Variants in TLN2 observed in about 807,000 individuals in gnomAD.
The protein encoded by TLN2 is talin-2.
In TLN2, 118 loss-of-function variants were observed where a neutral mutation model predicts 294.7. The ratio of observed to expected loss-of-function variants is 0.40; its 90% CI spans 0.34 to 0.47. The LOEUF (loss-of-function observed/expected upper bound fraction) is 0.47, where lower values mean the gene tolerates loss of function less well. Ranked by LOEUF, TLN2 falls within the 20% of genes least tolerant of loss-of-function variation. TLN2 has a pLI of 0.84. For missense variants in TLN2, 3,083 were observed against 3,282.2 expected, an observed-to-expected ratio of 0.94 and a Z score of 1.48; for synonymous variants, 1,431 against 1,304.5, an observed-to-expected ratio of 1.10 and a Z score of -2.09.
chr15:62,533,975 T>G (rs2041192395), intron 1 of TLN2, among the ~76,000 whole-genome samples: 1 of 152,210 alleles, frequency 6.6e-6, no homozygotes, highest in South Asian at 2.1e-4. Context: ...AGCAGTCACT[T>G]GGCTCTGGGA....
At chr15:62,491,652 C>A (rs1462408696) in intron 1 of TLN2, among the ~76,000 whole-genome samples, 1 of 152,106 alleles carries the variant, frequency 6.6e-6, no homozygotes, top group African/African-American at 2.4e-5. Context: ...TAGTAGCTAT[C>A]TTTTTTTAGG....
chr15:62,590,207 G>A (rs1041047770), intron 2 of TLN2, among the ~76,000 whole-genome samples: 27 of 152,000 alleles, frequency 1.8e-4, no homozygotes, highest in Admixed American at 7.2e-4. Flanking sequence ...GGTTTGTTTC[G>A]TAGGTAAACG....
chr15:62,839,398 TGTAGAAAG>T (rs2036417070), intron 58 of TLN2, among the ~76,000 whole-genome samples: 1 of 152,218 alleles, frequency 6.6e-6, no homozygotes, highest in South Asian at 2.1e-4. Flanking sequence ...AGGATTCTAT[TGTAGAAAG>T]GAAGAAGAGC....
At chr15:62,423,788 C>T (rs549428506) in intron 1 of TLN2, among the ~76,000 whole-genome samples, 99 of 152,230 alleles carry the variant, frequency 6.5e-4, no homozygotes, top group Non-Finnish European at 1.1e-3. Flanking sequence ...CCATGTTGGC[C>T]GGGCTGGTCT....
rs146757954 is a variant in TLN2 at position 62,764,256 on chromosome 15, C to T, written c.5094+561C>T. Among the ~76,000 whole-genome samples the T allele has an allele frequency of 2.7e-3, 413 of 152,260 alleles. 2 individuals carry two copies. Among genetic ancestry groups the T allele is most frequent in the African/African-American group, 9.7e-3 (403 of 41,564 alleles). ...TTTCCAAAGTTTAAAATGGAATTTTCCTGCTTTTTCCCTTTGGGTCTTTTT... is the reference window on the plus strand; with the variant it reads ...TTTCCAAAGTTTAAAATGGAATTTTTCTGCTTTTTCCCTTTGGGTCTTTTT... On this transcript the variant is annotated intron_variant, in intron 40 of 58. Coordinates refer to ENST00000636159, the MANE Select transcript of TLN2 (RefSeq NM_015059.3).
At chr15:62,480,926 A>G (rs999413079) in intron 1 of TLN2, among the ~76,000 whole-genome samples, 1 of 152,116 alleles carries the variant, frequency 6.6e-6, no homozygotes, top group Non-Finnish European at 1.5e-5. Flanking sequence ...ATCTCCCCTC[A>G]TTCGAAATGT....
rs1292961867 is a variant in TLN2, at chr15:62,509,894, C to A, written c.-237-79793C>A. On this transcript the variant is annotated intron_variant, in intron 1 of 58. Coordinates refer to ENST00000636159, the MANE Select transcript of TLN2 (RefSeq NM_015059.3). ...GTGGCTTTGGATTCCGTGTCCACAC[C>A]CAGTTGTTTCCCAGTCAGAAAAAGA... is the stretch of plus-strand genomic sequence containing the variant. 2.6e-5 allele frequency among the ~76,000 whole-genome samples: 4 copies of A among 152,102 alleles called. No homozygotes were observed. In the East Asian group the frequency reaches 7.7e-4, roughly 29 times the overall value.
In TLN2 at chr15:62,654,723, C is replaced by G. The variant is rs1029767443; in HGVS notation, c.518-1221C>G. On this transcript the variant is annotated intron_variant, in intron 7 of 58. Coordinates refer to ENST00000636159, the MANE Select transcript of TLN2 (RefSeq NM_015059.3). ...TGAACTGAGATTGTGCCACTGCACT[C>G]CAGCCTGGGTGACAGAGCGTGACTC... Among the ~76,000 whole-genome samples the G allele has an allele frequency of 3.4e-4, 47 of 136,466 alleles. 1 individual carries two copies. The highest frequency in any genetic ancestry group is 4.8e-4 in the Admixed American group (6 of 12,456). The allele number at this position is 136,466 out of a possible 152,430, so 89.5% of individuals were successfully genotyped here.
chr15:62,481,100 G>A (rs981115532), intron 1 of TLN2, among the ~76,000 whole-genome samples: 6 of 152,112 alleles, frequency 3.9e-5, no homozygotes, highest in Non-Finnish European at 5.9e-5. Context: ...CCATAGAGAC[G>A]TCTAATCACA....
At position 62,414,191 on chromosome 15, in the gene TLN2, T is replaced by TATATAA. The variant is rs1379562270; in HGVS notation, c.-238+23507_-238+23508insTATAAA. On this transcript the variant is annotated intron_variant, in intron 1 of 58. Transcript: ENST00000636159. ...ATATATATATATATATATATATATA[T>TATATAA]AATTTGAGAAATTAAATCCTTTTAG... is the stretch of plus-strand genomic sequence containing the variant. 3.3e-5 allele frequency among the ~76,000 whole-genome samples: 4 copies of TATATAA among 122,930 alleles called. 1 individual carries two copies. The highest frequency in any genetic ancestry group is 3.4e-3 in the Middle Eastern group (1 of 296). 80.6% of individuals were successfully genotyped at this position (122,930 alleles called of 152,430 possible). A position where few individuals can be genotyped will look rare whatever the true frequency, so the allele number is the denominator to read the frequency against.
intron 1 of TLN2, among the ~76,000 whole-genome samples, chr15:62,498,377 C>A (rs980432273): frequency 6.6e-6 from 1 of 152,106 alleles, no homozygotes; most frequent in Non-Finnish European, 1.5e-5. Context: ...AGTCACTGGT[C>A]AGTTCCCCAA....
chr15:62,755,758 C>A, intron 37 of TLN2, 65 bp downstream of exon 37: 1 of 1,583,264 alleles, frequency 6.3e-7, no homozygotes, highest in South Asian at 1.2e-5. Context: ...GGAAGGGGAA[C>A]AAGATTTAAG....
intron 57 of TLN2, among the ~76,000 whole-genome samples, chr15:62,837,590 T>C (rs1010428305): frequency 1.3e-5 from 2 of 152,206 alleles, no homozygotes; most frequent in Non-Finnish European, 2.9e-5. Flanking sequence ...TGCAATGTTT[T>C]ATTTGAGCCC....
At chr15:62,639,036 A>G (rs1000226179) in intron 3 of TLN2, among the ~76,000 whole-genome samples, 1 of 152,134 alleles carries the variant, frequency 6.6e-6, no homozygotes, top group Admixed American at 6.5e-5. Context: ...TGACTAATTT[A>G]GGGAAAAATC....
At chr15:62,462,643 T>G (rs529854901) in intron 1 of TLN2, among the ~76,000 whole-genome samples, 132 of 152,278 alleles carry the variant, frequency 8.7e-4, no homozygotes, top group African/African-American at 1.9e-3. Context: ...GAGGTAGTGC[T>G]ATAGGCTGAA....
chr15:62,769,786 A>C (rs1294757135), intron 41 of TLN2, among the ~76,000 whole-genome samples: 2 of 152,094 alleles, frequency 1.3e-5, no homozygotes, highest in Admixed American at 6.5e-5. Flanking sequence ...GTGCTGGCTA[A>C]AGGTTTGATC....
At chr15:62,435,011 A>G (rs548820216) in intron 1 of TLN2, among the ~76,000 whole-genome samples, 1 of 152,128 alleles carries the variant, frequency 6.6e-6, no homozygotes, top group African/African-American at 2.4e-5. Flanking sequence ...GAGAACATGC[A>G]GTGTTTGGTT....
chr15:62,546,017 A>T (rs2041975324), intron 1 of TLN2, among the ~76,000 whole-genome samples: 1 of 152,056 alleles, frequency 6.6e-6, no homozygotes, highest in East Asian at 1.9e-4. Context: ...TCAGGACATG[A>T]GGTGGGGCTG....
intron 46 of TLN2, among the ~76,000 whole-genome samples, chr15:62,794,436 C>T (rs1490419162): frequency 6.6e-6 from 1 of 152,182 alleles, no homozygotes; most frequent in African/African-American, 2.4e-5. Flanking sequence ...TGCTGGCTGG[C>T]ACACCCTTCA....
Sources: gnomAD v4.1 joint callset for allele counts (sites outside exome capture counted in the v4.1 genomes callset) on GRCh38, gnomAD v4.1.1 for gene constraint, MANE v1.5 for transcripts, NCBI Gene and HGNC (gene_info 2026-07-23, HGNC 2026-07-21) for gene names.